The following GRIA4 variants were observed in gnomAD, a reference collection of about 807,000 sequenced individuals.
GRIA4 encodes glutamate receptor 4.
A neutral mutation model predicts 104.0 loss-of-function variants in GRIA4; 34 were observed. That is an observed-to-expected ratio of 0.33 (90% CI 0.25 to 0.44). The LOEUF (loss-of-function observed/expected upper bound fraction) is 0.44, where lower values mean the gene tolerates loss of function less well. Among genes scored for constraint, GRIA4 ranks in the 20% least tolerant of loss-of-function variants. The probability of loss-of-function intolerance (pLI) is 1.00; values close to 1 mark genes in which losing one functional copy is unlikely to be tolerated. For missense variants in GRIA4, 750 were observed against 1,096.5 expected, an observed-to-expected ratio of 0.68 and a Z score of 4.46; for synonymous variants, 386 against 381.9, an observed-to-expected ratio of 1.01 and a Z score of -0.13.
intron 14 of GRIA4, 24 bp from the exon 15 acceptor site, chr11:105,971,890 A>AT: frequency 1.5e-6 from 2 of 1,354,324 alleles, no homozygotes; most frequent in Non-Finnish European, 2.1e-6. Context: ...ATATAATGTT[A>AT]TTTATGTTAT....
At chr11:105,833,633 C>T (rs1944066299) in intron 4 of GRIA4, among the ~76,000 whole-genome samples, 1 of 151,848 alleles carries the variant, frequency 6.6e-6, no homozygotes. Flanking sequence ...AAATATATTT[C>T]CCACAAGAGT....
At chr11:105,647,028 T>C (rs1295529889) in intron 3 of GRIA4, among the ~76,000 whole-genome samples, 1 of 152,130 alleles carries the variant, frequency 6.6e-6, no homozygotes, top group Non-Finnish European at 1.5e-5. Flanking sequence ...GCCTATAGAA[T>C]GGGAGAAAAT....
Position 105,894,989 on chromosome 11 carries a change from C to T in GRIA4, c.727-3280C>T, listed in dbSNP as rs899577034. ...TAATTTTTTGTATTTTTAGTAGAGA[C>T]GGGGTTTCACCTTGTTAGCCAGGAT... On this transcript the variant is annotated intron_variant, in intron 6 of 16. Transcript: ENST00000282499. Among the ~76,000 whole-genome samples the T allele has an allele frequency of 1.6e-4, 19 of 120,924 alleles. 1 individual carries two copies. Among genetic ancestry groups the T allele is most frequent in the Non-Finnish European group, 2.3e-4 (13 of 55,906 alleles). 79.3% of individuals were successfully genotyped at this position (120,924 alleles called of 152,430 possible).
At chr11:105,940,378 G>A (rs1948153993) in intron 14 of GRIA4, among the ~76,000 whole-genome samples, 1 of 151,884 alleles carries the variant, frequency 6.6e-6, no homozygotes, top group African/African-American at 2.4e-5. Flanking sequence ...GAAAGACCCT[G>A]TCTCAAAAAA....
rs1174998360 is a variant in GRIA4 at position 105,981,082 on chromosome 11, A to C, written c.*1343A>C. 1 of 152,664 alleles carries C rather than the reference A, an allele frequency of 6.6e-6. No homozygotes were observed. The highest frequency in any genetic ancestry group is 1.5e-5 in the Non-Finnish European group (1 of 68,036). The allele number at this position is 152,664 out of a possible 1,614,324, so 9.5% of individuals were successfully genotyped here. ...TTCATAATAGCTTGGGGTAGATAAC[A>C]AATGAAGAATTAGTCTTTGTTTTCA... On this transcript the variant is annotated 3_prime_UTR_variant, in exon 17 of 17. Transcript: ENST00000282499.
chr11:105,637,257 T>G (rs1020169527), intron 3 of GRIA4, among the ~76,000 whole-genome samples: 1 of 152,164 alleles, frequency 6.6e-6, no homozygotes, highest in Non-Finnish European at 1.5e-5. Context: ...TTCATGATAT[T>G]AACAATAGAA....
At chr11:105,750,884 A>G (rs1383676208) in intron 3 of GRIA4, among the ~76,000 whole-genome samples, 3 of 152,162 alleles carry the variant, frequency 2.0e-5, no homozygotes, top group Non-Finnish European at 4.4e-5. Context: ...TATCTCAGCA[A>G]AAGTCTTCAT....
intron 4 of GRIA4, among the ~76,000 whole-genome samples, chr11:105,796,537 C>T (rs1389043148): frequency 6.6e-6 from 1 of 152,076 alleles, no homozygotes; most frequent in Non-Finnish European, 1.5e-5. Context: ...TCAATCAGTC[C>T]CCTTTTGTGT....
chr11:105,957,950 G>T (rs912172959), intron 14 of GRIA4, among the ~76,000 whole-genome samples: 10 of 152,146 alleles, frequency 6.6e-5, no homozygotes, highest in African/African-American at 1.4e-4. Context: ...GTGATTTTTG[G>T]ACGTTGATTT....
intron 14 of GRIA4, among the ~76,000 whole-genome samples, chr11:105,939,332 T>G (rs1948128319): frequency 6.6e-6 from 1 of 152,196 alleles, no homozygotes; most frequent in South Asian, 2.1e-4. Context: ...TTTAGTAACT[T>G]TCCTGAGAAA....
intron 4 of GRIA4, among the ~76,000 whole-genome samples, chr11:105,851,218 A>G (rs1406397848): frequency 6.6e-6 from 1 of 152,126 alleles, no homozygotes; most frequent in Non-Finnish European, 1.5e-5. Flanking sequence ...CAGAATTTTT[A>G]CCCTTGTCAT....
At chr11:105,629,995 C>G (rs1452054545) in intron 3 of GRIA4, among the ~76,000 whole-genome samples, 1 of 152,182 alleles carries the variant, frequency 6.6e-6, no homozygotes, top group Admixed American at 6.5e-5. Context: ...GCAACCATAT[C>G]TTATTTTCAA....
At position 105,933,931 on chromosome 11, in the gene GRIA4, A is replaced by G. The variant is rs761968792; in HGVS notation, c.2256A>G (p.Lys752=). 6.2e-7 allele frequency: 1 copy of G among 1,613,200 alleles called. No individual in the cohort carries two copies. The highest frequency in any genetic ancestry group is 1.1e-5 in the South Asian group (1 of 91,064). Residue 752 remains lysine, a synonymous_variant, in exon 14 of 17, where the codon AAA becomes AAG. Transcript: ENST00000282499. ...TMKVGGNLDS[K]GYGVATPKGS... is the part of the protein sequence containing the mutation. ...AAGTGGGAGGAAATCTGGATTCCAA[A>G]GGCTATGGAGTAGCAACGCCCAAGG...
At position 105,911,777 on chromosome 11, in the gene GRIA4, T is replaced by TAC. The variant is rs1476980752; in HGVS notation, c.1269+1233_1269+1234insCA. 15 of 117,566 alleles carry TAC rather than the reference T, an allele frequency of 1.3e-4. 1 individual carries two copies. The highest frequency in any genetic ancestry group is 1.9e-4 in the Admixed American group (2 of 10,522). The allele number at this position is 117,566 out of a possible 1,614,324, so 7.3% of individuals were successfully genotyped here. ...TATTTGCATGGGACTTGAAAAGCAA[T>TAC]ATATATATATATATATATATATATA... On this transcript the variant is annotated intron_variant, in intron 10 of 16. Transcript: ENST00000282499.
Position 105,610,160 on chromosome 11 carries a change from G to T in GRIA4, c.-359G>T, listed in dbSNP as rs1044237297. The T allele has an allele frequency of 2.0e-5, 3 of 152,690 alleles. No individual in the cohort carries two copies. Among genetic ancestry groups the T allele is most frequent in the Non-Finnish European group, 2.9e-5 (2 of 68,480 alleles). The allele number at this position is 152,690 out of a possible 1,614,324, so 9.5% of individuals were successfully genotyped here. The stretch of plus-strand genomic sequence containing the variant: ...CCTCCTCACGAACCTGCAAGGATGC[G>T]GCAGGGGCCTGGGGGCATGGGGAGG... On this transcript the variant is annotated 5_prime_UTR_variant, in exon 1 of 17. Coordinates refer to ENST00000282499, the MANE Select transcript of GRIA4 (RefSeq NM_000829.4).
At chr11:105,914,864 G>A (rs768742468) in intron 10 of GRIA4, among the ~76,000 whole-genome samples, 22 of 152,038 alleles carry the variant, frequency 1.4e-4, no homozygotes, top group Non-Finnish European at 2.6e-4. Flanking sequence ...GTTTTACAAA[G>A]ATACCCCACA....
intron 4 of GRIA4, among the ~76,000 whole-genome samples, chr11:105,857,946 T>A (rs764358711): frequency 6.6e-6 from 1 of 152,130 alleles, no homozygotes; most frequent in Non-Finnish European, 1.5e-5. Flanking sequence ...CATCTCTGAA[T>A]TGGTACTCAT....
chr11:105,703,307 A>T lies in GRIA4; in HGVS notation c.248-49674A>T, dbSNP rs187656218. ...GATTTGTGTGAAGACATTATAACATATGTGAAAAGCAGAACTGAGTACAGC... is the reference window on the plus strand; with the variant it reads ...GATTTGTGTGAAGACATTATAACATTTGTGAAAAGCAGAACTGAGTACAGC... On this transcript the variant is annotated intron_variant, in intron 3 of 16. Transcript: ENST00000282499. 1.3e-3 allele frequency among the ~76,000 whole-genome samples: 194 copies of T among 152,302 alleles called. 3 individuals carry two copies. The highest frequency in any genetic ancestry group is 3.7e-4 in the Non-Finnish European group (25 of 68,014).
chr11:105,630,587 C>T (rs1951010689), intron 3 of GRIA4, among the ~76,000 whole-genome samples: 1 of 151,638 alleles, frequency 6.6e-6, no homozygotes, highest in Non-Finnish European at 1.5e-5. Flanking sequence ...AAACAAAACA[C>T]CAACTAAATA....
Sources: gnomAD v4.1 joint callset for allele counts (sites outside exome capture counted in the v4.1 genomes callset) on GRCh38, gnomAD v4.1.1 for gene constraint, MANE v1.5 for transcripts, NCBI Gene and HGNC (gene_info 2026-07-23, HGNC 2026-07-21) for gene names.